The following PDIA6 variants were observed in gnomAD, a reference collection of about 807,000 sequenced individuals.
The protein encoded by PDIA6 is protein disulfide isomerase family A member 6, also known as protein disulfide-isomerase A6.
A neutral mutation model predicts 58.4 loss-of-function variants in PDIA6; 29 were observed. That is an observed-to-expected ratio of 0.50 (90% CI 0.37 to 0.68). The LOEUF (loss-of-function observed/expected upper bound fraction) is 0.68, where lower values mean the gene tolerates loss of function less well. Ranked by LOEUF, PDIA6 falls within the 30% of genes least tolerant of loss-of-function variation. PDIA6 has a pLI of 0.00. For synonymous variants in PDIA6, 192 were observed against 202.6 expected (o/e 0.95, Z 0.44); for missense variants, 480 against 551.0 (o/e 0.87, Z 1.29).
chr2:10,787,028 A>G (rs1665797813), intron 11 of PDIA6, among the ~76,000 whole-genome samples: 1 of 152,222 alleles, frequency 6.6e-6, no homozygotes, highest in African/African-American at 2.4e-5. Context: ...CCAGATGCAC[A>G]GAATGGCACA....
intron 1 of PDIA6, chr2:10,821,528 A>G (rs555715500): frequency 6.6e-6 from 1 of 152,330 alleles, no homozygotes; most frequent in African/African-American, 2.4e-5. Flanking sequence ...ATCTAGAAAG[A>G]GGAAGCATTG....
At chr2:10,805,598 G>T in intron 1 of PDIA6, among the ~76,000 whole-genome samples, 1 of 83,052 alleles carries the variant, frequency 1.2e-5, no homozygotes, top group Non-Finnish European at 2.9e-5. Flanking sequence ...CTGCTATAAA[G>T]ACACATGCAC....
intron 11 of PDIA6, among the ~76,000 whole-genome samples, chr2:10,785,839 A>C (rs537711643): frequency 6.6e-6 from 1 of 152,260 alleles, no homozygotes; most frequent in East Asian, 1.9e-4. Flanking sequence ...CAGCCTCCCT[A>C]GTAGCTAGGA....
At chr2:10,827,652 C>T (rs1235212727) in intron 1 of PDIA6, among the ~76,000 whole-genome samples, 2 of 151,746 alleles carry the variant, frequency 1.3e-5, no homozygotes, top group South Asian at 2.1e-4. Flanking sequence ...GGTGAAACCT[C>T]GTCTCTACTA....
intron 1 of PDIA6, chr2:10,819,483 A>T: frequency 1.6e-6 from 1 of 613,256 alleles, no homozygotes; most frequent in Non-Finnish European, 2.9e-6. Context: ...TTAATCAACG[A>T]AAAGTTATAG....
intron 4 of PDIA6, among the ~76,000 whole-genome samples, chr2:10,796,813 AGACAACAG>A (rs1281021197): frequency 6.6e-6 from 1 of 152,244 alleles, no homozygotes; most frequent in Non-Finnish European, 1.5e-5. Context: ...GTAATGAGAA[AGACAACAG>A]GGTAGCACAG....
intron 6 of PDIA6, among the ~76,000 whole-genome samples, chr2:10,791,347 T>C (rs1329731107): frequency 6.6e-6 from 1 of 152,156 alleles, no homozygotes; most frequent in African/African-American, 2.4e-5. Context: ...GGTTTTGCTA[T>C]GTTGCCCAGG....
chr2:10,816,075 G>GTTTTTTTT (rs1667182899), upstream of PDIA6, among the ~76,000 whole-genome samples: 2 of 78,088 alleles, frequency 2.6e-5, no homozygotes, highest in African/African-American at 1.0e-4. Flanking sequence ...GAAATCATTT[G>GTTTTTTTT]TCTTTTTTTT....
chr2:10,835,495 G>A (rs888766745), upstream of PDIA6, among the ~76,000 whole-genome samples: 2 of 152,138 alleles, frequency 1.3e-5, no homozygotes, highest in African/African-American at 4.8e-5. Flanking sequence ...CCCACCAGGG[G>A]TCGCTGCAGG....
At chr2:10,815,010 T>C (rs1228966353), upstream of PDIA6, among the ~76,000 whole-genome samples, 2 of 152,208 alleles carry the variant, frequency 1.3e-5, no homozygotes, top group Non-Finnish European at 2.9e-5. Context: ...CACTGGCTGC[T>C]CTGGACCGTG....
At chr2:10,814,710 G>A (rs2148569591), upstream of PDIA6, among the ~76,000 whole-genome samples, 1 of 152,286 alleles carries the variant, frequency 6.6e-6, no homozygotes. Context: ...CCCTTCATTT[G>A]TCTTTACATT....
intron 2 of PDIA6, 143 bp downstream of exon 2, chr2:10,802,356 A>C: frequency 2.3e-6 from 1 of 443,548 alleles, no homozygotes; most frequent in Non-Finnish European, 3.8e-6. Flanking sequence ...GATACTTTGC[A>C]TTTCCCATTT....
At chr2:10,817,808 C>T (rs1214746439) in intron 2 of PDIA6, among the ~76,000 whole-genome samples, 1 of 152,216 alleles carries the variant, frequency 6.6e-6, no homozygotes, top group Admixed American at 6.5e-5. Flanking sequence ...ACCTGGATGG[C>T]TCACCATGTA....
chr2:10,809,304 A>G (rs6711048), intron 1 of PDIA6, among the ~76,000 whole-genome samples: 74,194 of 152,016 alleles, frequency 0.49, 19,659 homozygotes, highest in South Asian at 0.58. Flanking sequence ...GAAAAGGTGA[A>G]GTAGAGTTTG....
rs1434377443 is a variant in PDIA6, at chr2:10,818,437, G to A, written c.34+837C>T. ...CCACCTCAGCCTCCCAAAGTGTTGG[G>A]ATTACAGGCGTGAGCCACTGTGCCC... is the stretch of plus-strand genomic sequence containing the variant. On this transcript the variant is annotated intron_variant, in intron 2 of 13. Coordinates refer to the PDIA6 transcript ENST00000381611. Among the ~76,000 whole-genome samples, 5 of 151,706 alleles carry A rather than the reference G, an allele frequency of 3.3e-5. No individual in the cohort carries two copies. In the East Asian group the frequency reaches 7.7e-4, roughly 23 times the overall value.
chr2:10,821,486 T>C (rs565369842), intron 1 of PDIA6: 2 of 152,452 alleles, frequency 1.3e-5, no homozygotes, highest in African/African-American at 4.8e-5. Flanking sequence ...TTGCCTTCTA[T>C]TCAGCGGTAT....
chr2:10,809,592 A>G (rs1418020764), intron 1 of PDIA6, among the ~76,000 whole-genome samples: 1 of 126,480 alleles, frequency 7.9e-6, no homozygotes, highest in Non-Finnish European at 1.6e-5. Context: ...GCTACTCCAG[A>G]GGCTGATGTG....
chr2:10,837,489 T>C (rs185375034), intron 1 of PDIA6: 3 of 699,802 alleles, frequency 4.3e-6, no homozygotes, highest in African/African-American at 1.7e-5. Context: ...AAACTCCAGA[T>C]GGTGATTTAA....
At chr2:10,798,846 A>T (rs1043485166) in intron 2 of PDIA6, among the ~76,000 whole-genome samples, 4 of 152,178 alleles carry the variant, frequency 2.6e-5, no homozygotes, top group Non-Finnish European at 5.9e-5. Flanking sequence ...AATTTTATAT[A>T]TGAAGTATCT....
Sources: allele counts gnomAD v4.1 joint callset (sites outside exome capture counted in the v4.1 genomes callset), GRCh38; gene constraint gnomAD v4.1.1; transcripts MANE v1.5; gene names NCBI Gene and HGNC (gene_info 2026-07-23, HGNC 2026-07-21).